Variants in GNAO1 observed in about 807,000 individuals in gnomAD.
The protein encoded by GNAO1 is G protein subunit alpha o1.
For synonymous variants in GNAO1, 164 were observed against 180.7 expected (o/e 0.91, Z 0.74); for missense variants, 166 against 478.7 (o/e 0.35, Z 6.10).
chr16:56,344,291 G>T, intron 6 of GNAO1: 3 of 1,200,786 alleles, frequency 2.5e-6, no homozygotes, highest in Non-Finnish European at 3.1e-6. Context: ...TGGAAGCCTC[G>T]GAGTGTCCTC....
chr16:56,303,596 T>C (rs2037364879), intron 3 of GNAO1, among the ~76,000 whole-genome samples: 1 of 152,196 alleles, frequency 6.6e-6, no homozygotes. Flanking sequence ...GTAGAGCCCC[T>C]CGTGACTGTC....
intron 2 of GNAO1, among the ~76,000 whole-genome samples, chr16:56,215,586 G>C (rs2036430351): frequency 6.6e-6 from 1 of 152,158 alleles, no homozygotes; most frequent in African/African-American, 2.4e-5. Flanking sequence ...GGTTGTTATT[G>C]TTCACTAATT....
intron 3 of GNAO1, among the ~76,000 whole-genome samples, chr16:56,282,363 A>T (rs2037122858): frequency 6.5e-5 from 5 of 77,002 alleles, no homozygotes; most frequent in Admixed American, 2.4e-4. Context: ...GTTGGCAATT[A>T]TTCTCATTTA....
intron 3 of GNAO1, among the ~76,000 whole-genome samples, chr16:56,300,043 G>GCA (rs2037328922): frequency 3.3e-5 from 3 of 92,138 alleles, no homozygotes; most frequent in African/African-American, 1.4e-4. Context: ...GTGTGCGCGC[G>GCA]CGCGCGCGCA....
At chr16:56,256,674 C>T (rs1404323086) in intron 2 of GNAO1, among the ~76,000 whole-genome samples, 8 of 147,430 alleles carry the variant, frequency 5.4e-5, no homozygotes, top group African/African-American at 2.0e-4. Context: ...GGAGGTCAGT[C>T]TCTTTCTCTC....
At chr16:56,269,181 A>G (rs59082641) in intron 2 of GNAO1, among the ~76,000 whole-genome samples, 447 of 152,166 alleles carry the variant, frequency 2.9e-3, no homozygotes, top group African/African-American at 7.8e-3. Context: ...ACCACTCCCA[A>G]CGTGTTCATT....
At chr16:56,278,825 G>A (rs1024484899) in intron 3 of GNAO1, among the ~76,000 whole-genome samples, 38 of 152,114 alleles carry the variant, frequency 2.5e-4, no homozygotes, top group Non-Finnish European at 8.8e-5. Flanking sequence ...TGAGCCTGGC[G>A]CAGAGGAATA....
intron 2 of GNAO1, among the ~76,000 whole-genome samples, chr16:56,241,324 A>G (rs1320979556): frequency 6.6e-6 from 1 of 152,160 alleles, no homozygotes; most frequent in Non-Finnish European, 1.5e-5. Flanking sequence ...CCTCAGGCTC[A>G]TGTGCAGCAC....
chr16:56,348,664 G>A (rs1292135394), intron 6 of GNAO1, among the ~76,000 whole-genome samples: 1 of 152,202 alleles, frequency 6.6e-6, no homozygotes, highest in Non-Finnish European at 1.5e-5. Flanking sequence ...AGCTTGTAAG[G>A]ATGAGCTGTG....
At chr16:56,346,799 C>T in intron 6 of GNAO1, 1 of 985,466 alleles carries the variant, frequency 1.0e-6, no homozygotes, top group Non-Finnish European at 1.2e-6. Flanking sequence ...CACTGGTCTT[C>T]TCTGAGTATT....
intron 3 of GNAO1, among the ~76,000 whole-genome samples, chr16:56,292,897 C>T (rs1435740535): frequency 2.6e-5 from 4 of 152,234 alleles, no homozygotes; most frequent in Admixed American, 1.3e-4. Context: ...CCAGCAGCCC[C>T]GAAATCTCAG....
intron 3 of GNAO1, among the ~76,000 whole-genome samples, chr16:56,320,559 AC>A (rs777342090): frequency 1.3e-5 from 2 of 152,232 alleles, no homozygotes; most frequent in Non-Finnish European, 2.9e-5. Flanking sequence ...ATGGAGCAGC[AC>A]TAAAAGTCCA....
chr16:56,317,212 G>A (rs1274638530), intron 3 of GNAO1, among the ~76,000 whole-genome samples: 1 of 152,220 alleles, frequency 6.6e-6, no homozygotes, highest in African/African-American at 2.4e-5. Context: ...GCATCCAGAA[G>A]GTTTGAACTG....
chr16:56,298,261 G>A (rs1420424257), intron 3 of GNAO1, among the ~76,000 whole-genome samples: 3 of 152,232 alleles, frequency 2.0e-5, no homozygotes, highest in Non-Finnish European at 2.9e-5. Context: ...TAAGGAAACA[G>A]GTGAAGAGGA....
chr16:56,223,344 G>C (rs956130045), intron 2 of GNAO1, among the ~76,000 whole-genome samples: 2 of 152,218 alleles, frequency 1.3e-5, no homozygotes, highest in Non-Finnish European at 2.9e-5. Flanking sequence ...AAAGCCAGCA[G>C]TGGCAAGTTG....
At chr16:56,274,414 C>T (rs748173406) in intron 2 of GNAO1, among the ~76,000 whole-genome samples, 6 of 152,120 alleles carry the variant, frequency 3.9e-5, no homozygotes, top group African/African-American at 7.2e-5. Context: ...TAATGAAAGT[C>T]GACAGAAAGT....
intron 2 of GNAO1, among the ~76,000 whole-genome samples, chr16:56,224,567 C>T (rs1220969652): frequency 2.0e-5 from 3 of 152,196 alleles, no homozygotes; most frequent in Non-Finnish European, 4.4e-5. Flanking sequence ...AGCTTTGCCT[C>T]CCAGGTTCAA....
At chr16:56,349,932 G>A (rs1345377231) in intron 6 of GNAO1, among the ~76,000 whole-genome samples, 1 of 152,210 alleles carries the variant, frequency 6.6e-6, no homozygotes, top group East Asian at 1.9e-4. Flanking sequence ...CCCACAGCCT[G>A]CTGATATGGA....
At chr16:56,285,403 C>A (rs1287689338) in intron 3 of GNAO1, among the ~76,000 whole-genome samples, 1 of 152,148 alleles carries the variant, frequency 6.6e-6, no homozygotes. Flanking sequence ...CCCTCTTCTA[C>A]CCCCACCAAA....
Sources: gnomAD v4.1 joint callset for allele counts (sites outside exome capture counted in the v4.1 genomes callset) on GRCh38, gnomAD v4.1.1 for gene constraint, MANE v1.5 for transcripts, NCBI Gene and HGNC (gene_info 2026-07-23, HGNC 2026-07-21) for gene names.